The following APPL1 variants were observed in gnomAD, a reference collection of about 807,000 sequenced individuals.
The protein encoded by APPL1 is adaptor protein, phosphotyrosine interacting with PH domain and leucine zipper 1, also known as DCC-interacting protein 13-alpha.
In APPL1, 42 loss-of-function variants were observed where a neutral mutation model predicts 106.8. That is an observed-to-expected ratio of 0.39 (90% CI 0.31 to 0.51). APPL1 has a LOEUF of 0.51. APPL1 is among the 20% of genes least tolerant of loss of function. The pLI is 0.75. For synonymous variants in APPL1, 263 were observed against 281.8 expected (o/e 0.93, Z 0.67); for missense variants, 769 against 858.2 (o/e 0.90, Z 1.30).
At chr3:57,250,894 G>A (rs2060800546) in intron 11 of APPL1, among the ~76,000 whole-genome samples, 1 of 135,160 alleles carries the variant, frequency 7.4e-6, no homozygotes. Context: ...TGCAAGCTCC[G>A]CCTCCCGGGT....
In APPL1 at chr3:57,257,377, C is replaced by T. The variant is rs1362723191; in HGVS notation, c.1379C>T (p.Pro460Leu). Residue 460 changes from proline to leucine, a missense_variant, in exon 15 of 22, where the codon CCT becomes CTT. By Grantham distance (98) the Pro-to-Leu change is moderately conservative. Coordinates refer to ENST00000288266, the MANE Select transcript of APPL1 (RefSeq NM_012096.3). ...CCAATACAGTTTGACATAATTTCTC[C>T]TGTGTGTGAAGATCAGCCTGGCCAG... ...DTPIQFDIIS[P>L]VCEDQPGQAK... 3 of 1,613,910 alleles carry T rather than the reference C, an allele frequency of 1.9e-6. No homozygotes were observed. The African/African-American group carries it at 4.0e-5, about 22-fold the overall frequency.
rs1264373401 is a variant in APPL1 at position 57,272,253 on chromosome 3, T to TCTAC, written c.*2569_*2572dup. 1.3e-5 allele frequency: 2 copies of TCTAC among 152,208 alleles called. No individual in the cohort carries two copies. Among genetic ancestry groups the TCTAC allele is most frequent in the Non-Finnish European group, 2.9e-5 (2 of 68,028 alleles). The allele number at this position is 152,208 out of a possible 1,614,324, so 9.4% of individuals were successfully genotyped here. On this transcript the variant is annotated 3_prime_UTR_variant, in exon 22 of 22. Transcript: ENST00000288266. ...AGTAGATAGGAAACCAGTTATTCCT[T>TCTAC]CTACCTTTAAAAATTTTGAGAACTT...
intron 13 of APPL1, 34 bp downstream of exon 13, chr3:57,253,772 C>G: frequency 7.4e-7 from 1 of 1,345,094 alleles, no homozygotes; most frequent in South Asian, 1.7e-5. Context: ...CCAGATCTAG[C>G]AAAATTGAGT....
chr3:57,248,245 G>A lies in APPL1; in HGVS notation c.757G>A (p.Asp253Asn). ...AGAGACCATGCAACAGACAATAGAG[G>A]ATTTGGAAGTAGCCAGTGATCCCTT... ...DIETMQQTIEDLEVASDPLYV... is the reference protein window; with the variant it reads ...DIETMQQTIENLEVASDPLYV... The change falls in exon 10 of 22, where the codon GAT (aspartate) becomes AAT (asparagine). Residue 253 changes from aspartate to asparagine, a missense_variant. Coordinates refer to ENST00000288266, the MANE Select transcript of APPL1 (RefSeq NM_012096.3). The A allele has an allele frequency of 6.2e-7, 1 of 1,614,170 alleles. No individual in the cohort carries two copies. Among genetic ancestry groups the A allele is most frequent in the Non-Finnish European group, 8.5e-7 (1 of 1,180,026 alleles).
rs975115803 is a variant in APPL1, at chr3:57,270,990, TTA to T, written c.*1305_*1306del. The T allele has an allele frequency of 2.0e-5, 3 of 152,134 alleles. No homozygotes were observed. Among genetic ancestry groups the T allele is most frequent in the African/African-American group, 7.2e-5 (3 of 41,448 alleles). 9.4% of individuals were successfully genotyped at this position (152,134 alleles called of 1,614,324 possible). On this transcript the variant is annotated 3_prime_UTR_variant, in exon 22 of 22. Transcript: ENST00000288266. ...TCACTTTTAACACTGCTAATAGAAA[TTA>T]TGTTTTCATGTGTTTCACATGAAAA...
At chr3:57,264,036 A>G (rs2060882246) in intron 19 of APPL1, among the ~76,000 whole-genome samples, 1 of 152,102 alleles carries the variant, frequency 6.6e-6, no homozygotes. Flanking sequence ...TTTTCTCCAC[A>G]TGCTTCCCAG....
At chr3:57,252,389 C>T (rs1278252924) in intron 12 of APPL1, 78 bp downstream of exon 12, 1 of 1,071,986 alleles carries the variant, frequency 9.3e-7, no homozygotes, top group East Asian at 2.6e-5. Flanking sequence ...TTAATGTGTT[C>T]ATTGTAGAAA....
At chr3:57,229,582 A>G (rs1483705148) in intron 1 of APPL1, among the ~76,000 whole-genome samples, 2 of 151,692 alleles carry the variant, frequency 1.3e-5, no homozygotes, top group South Asian at 2.1e-4. Flanking sequence ...CTGGAGAGCA[A>G]TGGCTGTTCA....
chr3:57,247,569 C>A, intron 9 of APPL1, 92 bp downstream of exon 9: 1 of 835,318 alleles, frequency 1.2e-6, no homozygotes, highest in Non-Finnish European at 1.8e-6. Context: ...ATTTACTTTC[C>A]TGAGGGAATA....
intron 5 of APPL1, 103 bp downstream of exon 5, chr3:57,240,655 C>T: frequency 1.0e-6 from 1 of 992,832 alleles, no homozygotes. Context: ...ACAGCCTATG[C>T]CACTCTTACT....
chr3:57,263,429 G>C (rs2060878266), intron 19 of APPL1, among the ~76,000 whole-genome samples: 1 of 146,362 alleles, frequency 6.8e-6, no homozygotes, highest in African/African-American at 2.6e-5. Context: ...TCAGCCTCTG[G>C]TAACCACCCT....
In APPL1 at chr3:57,248,324, G is replaced by T; in HGVS notation, c.836G>T (p.Arg279Leu). ...TTTCCTGTTAATCGAAATTTAACCC[G>T]AAAGGCTGGATACCTTAATGCTAGG... ...TKFPVNRNLT[R>L]KAGYLNARNK... The change falls in exon 10 of 22, where the codon CGA becomes CTA. Residue 279 changes from arginine (R) to leucine (L), a missense_variant. Transcript: ENST00000288266. The T allele has an allele frequency of 6.2e-7, 1 of 1,614,096 alleles. No homozygotes were observed. Among genetic ancestry groups the T allele is most frequent in the Non-Finnish European group, 8.5e-7 (1 of 1,180,008 alleles).
chr3:57,238,123 G>C lies in APPL1; in HGVS notation c.285+7G>C, dbSNP rs1373368783. ...TTCAAAAGTTATAGATGAGGTAAAC[G>C]TTTATTTTATTTTGCTTGATTAAAT... On this transcript the variant is annotated splice_region_variant and intron_variant, in intron 4 of 21. Transcript: ENST00000288266. 3 of 1,597,832 alleles carry C rather than the reference G, an allele frequency of 1.9e-6. No individual in the cohort carries two copies. Among genetic ancestry groups the C allele is most frequent in the Admixed American group, 1.7e-5 (1 of 58,242 alleles).
intron 13 of APPL1, among the ~76,000 whole-genome samples, chr3:57,255,903 C>G (rs546668606): frequency 1.3e-5 from 2 of 152,198 alleles, no homozygotes; most frequent in Non-Finnish European, 2.9e-5. Context: ...TATCAGAACT[C>G]TAATTTTTAG....
At chr3:57,257,179 T>C in intron 14 of APPL1, 67 bp from the exon 15 acceptor site, 2 of 1,564,068 alleles carry the variant, frequency 1.3e-6, no homozygotes, top group Non-Finnish European at 1.7e-6. Flanking sequence ...TCTTTTTTCA[T>C]AGTTTGTTAA....
In APPL1 at chr3:57,257,254, G is replaced by T; in HGVS notation, c.1256G>T (p.Arg419Leu). 6.2e-7 allele frequency: 1 copy of T among 1,610,344 alleles called. No individual in the cohort carries two copies. The highest frequency in any genetic ancestry group is 8.5e-7 in the Non-Finnish European group (1 of 1,178,660). The change falls in exon 15 of 22, where the codon CGG becomes CTG. Residue 419 changes from arginine to leucine, a missense_variant. Physicochemically the swap from Arg to Leu is moderately radical, Grantham distance 102. Transcript: ENST00000288266. Reference sequence around the variant, plus strand: ...TCTTGTTTTATGCTTAGACAATCTCGGCCACCGACAGCTCGAACCAGCAGT... The same window carrying T: ...TCTTGTTTTATGCTTAGACAATCTCTGCCACCGACAGCTCGAACCAGCAGT... ...ESLRPAAGQS[R>L]PPTARTSSSG...
At chr3:57,245,685 G>A (rs1424629417) in intron 7 of APPL1, among the ~76,000 whole-genome samples, 1 of 151,908 alleles carries the variant, frequency 6.6e-6, no homozygotes, top group Admixed American at 6.6e-5. Context: ...TGGAATTATA[G>A]GTGTGTACCA....
intron 6 of APPL1, among the ~76,000 whole-genome samples, chr3:57,242,502 G>A (rs1196264471): frequency 6.6e-6 from 1 of 152,040 alleles, no homozygotes; most frequent in Non-Finnish European, 1.5e-5. Context: ...GGCTTTTCAA[G>A]CCACAATCAT....
At chr3:57,254,325 C>T (rs1370361359) in intron 13 of APPL1, among the ~76,000 whole-genome samples, 1 of 152,200 alleles carries the variant, frequency 6.6e-6, no homozygotes, top group African/African-American at 2.4e-5. Context: ...GAAAATTGAG[C>T]CATGGCCTCT....
Sources: allele counts gnomAD v4.1 joint callset (sites outside exome capture counted in the v4.1 genomes callset), GRCh38; gene constraint gnomAD v4.1.1; transcripts MANE v1.5; gene names NCBI Gene and HGNC (gene_info 2026-07-23, HGNC 2026-07-21).